FMN1: variants seen among roughly 807,000 people sequenced by gnomAD.
The protein encoded by FMN1 is formin-1.
A neutral mutation model predicts 132.4 loss-of-function variants in FMN1; 110 were observed. The observed-to-expected ratio is 0.83, with a 90% CI of 0.71 to 0.97. The LOEUF is 0.97. Among genes scored for constraint, FMN1 ranks in the 50% least tolerant of loss-of-function variants. FMN1 has a pLI of 0.00. For synonymous variants in FMN1, 722 were observed against 651.7 expected, an observed-to-expected ratio of 1.11 and a Z score of -1.64; for missense variants, 1,792 against 1,705.3, an observed-to-expected ratio of 1.05 and a Z score of -0.90.
chr15:32,971,223 G>A lies in FMN1; in HGVS notation c.2224-1746C>T, dbSNP rs181550343. ...TATGCCTGGAACACAGAAACGTTTG[G>A]ATAAATCTTACTGTTAGTTTCTGTT... is the stretch of plus-strand genomic sequence containing the variant. On this transcript the variant is annotated intron_variant, in intron 7 of 20. Coordinates refer to ENST00000616417, the MANE Select transcript of FMN1 (RefSeq NM_001277313.2). Among the ~76,000 whole-genome samples the A allele has an allele frequency of 1.3e-4, 20 of 152,276 alleles. No homozygotes were observed. In the East Asian group the frequency reaches 1.7e-3, roughly 13 times the overall value.
chr15:32,947,110 TA>T lies in FMN1; in HGVS notation c.3138+16996del, dbSNP rs1412881109. On this transcript the variant is annotated intron_variant, in intron 9 of 20. Coordinates refer to ENST00000616417, the MANE Select transcript of FMN1 (RefSeq NM_001277313.2). ...TTGTGCTTTCCATGTCTTTTCCGTA[TA>T]AGGCCAAAAGATAGGCTCCTATATT... Among the ~76,000 whole-genome samples the T allele has an allele frequency of 3.3e-5, 5 of 152,174 alleles. No individual in the cohort carries two copies. The East Asian group carries it at 9.6e-4, about 29-fold the overall frequency.
At chr15:33,035,166 G>A (rs1367090855) in intron 6 of FMN1, among the ~76,000 whole-genome samples, 1 of 152,056 alleles carries the variant, frequency 6.6e-6, no homozygotes, top group East Asian at 1.9e-4. Flanking sequence ...TTAAATAACA[G>A]GATCTAGTGG....
rs11330959 is a variant in FMN1, at chr15:32,984,978, C to CAA, written c.2224-15503_2224-15502dup. Reference sequence around the variant, plus strand: ...TTTTCTCTGTTTGTTCATCCATCACCAAAAAAAAAAAAAAAAAAAAAAGAA... The same window carrying CAA: ...TTTTCTCTGTTTGTTCATCCATCACCAAAAAAAAAAAAAAAAAAAAAAAAGAA... On this transcript the variant is annotated intron_variant, in intron 7 of 20. Coordinates refer to ENST00000616417, the MANE Select transcript of FMN1 (RefSeq NM_001277313.2). Among the ~76,000 whole-genome samples, 103 of 97,142 alleles carry CAA rather than the reference C, an allele frequency of 1.1e-3. 1 individual carries two copies. The highest frequency in any genetic ancestry group is 6.3e-3 in the Middle Eastern group (1 of 158). The allele number at this position is 97,142 out of a possible 152,430, so 63.7% of individuals were successfully genotyped here. A position where few individuals can be genotyped will look rare whatever the true frequency, so the allele number is the denominator to read the frequency against.
chr15:32,847,576 C>T (rs984897063), intron 17 of FMN1, among the ~76,000 whole-genome samples: 8 of 150,476 alleles, frequency 5.3e-5, no homozygotes, highest in Admixed American at 6.6e-5. Context: ...GAGTTAAGGC[C>T]GGGCGTGGTG....
intron 15 of FMN1, among the ~76,000 whole-genome samples, chr15:32,891,240 G>C (rs749641324): frequency 6.6e-6 from 1 of 152,072 alleles, no homozygotes. Context: ...TTATGGTTCC[G>C]TATGAGTTTT....
At position 33,079,783 on chromosome 15, in the gene FMN1, G is replaced by A. The variant is rs149043648; in HGVS notation, c.2043+9016C>T. Reference sequence around the variant, plus strand: ...AATTTCCAGATTTGTACTAATTTGAGAGATAACTGGTTAACTTGCATGTGA... The same window carrying A: ...AATTTCCAGATTTGTACTAATTTGAAAGATAACTGGTTAACTTGCATGTGA... On this transcript the variant is annotated intron_variant, in intron 5 of 20. Coordinates refer to ENST00000616417, the MANE Select transcript of FMN1 (RefSeq NM_001277313.2). Among the ~76,000 whole-genome samples, 148 of 152,312 alleles carry A rather than the reference G, an allele frequency of 9.7e-4. No homozygotes were observed. The Middle Eastern group carries it at 0.034, about 35-fold the overall frequency.
At chr15:32,806,243 G>A (rs1454289321) in intron 17 of FMN1, among the ~76,000 whole-genome samples, 1 of 152,110 alleles carries the variant, frequency 6.6e-6, no homozygotes, top group Non-Finnish European at 1.5e-5. Flanking sequence ...TGAAAGATAA[G>A]GGATTTTGAA....
At chr15:32,968,658 A>C in intron 8 of FMN1, 56 bp downstream of exon 8, 1 of 1,604,242 alleles carries the variant, frequency 6.2e-7, no homozygotes. Flanking sequence ...ATAAAATATC[A>C]CTTGGGCCAA....
chr15:33,124,902 A>C (rs1169559747), intron 4 of FMN1, among the ~76,000 whole-genome samples: 1 of 151,752 alleles, frequency 6.6e-6, no homozygotes, highest in African/African-American at 2.4e-5. Flanking sequence ...GTTTGGCACA[A>C]GGGCAAATGT....
intron 16 of FMN1, among the ~76,000 whole-genome samples, chr15:32,876,865 A>T (rs2059649177): frequency 6.6e-6 from 1 of 152,262 alleles, no homozygotes; most frequent in Non-Finnish European, 1.5e-5. Flanking sequence ...CAGACAAAGG[A>T]TACAACATTT....
At chr15:33,003,898 C>G (rs1395078587) in intron 7 of FMN1, among the ~76,000 whole-genome samples, 2 of 152,134 alleles carry the variant, frequency 1.3e-5, no homozygotes, top group African/African-American at 2.4e-5. Flanking sequence ...CGCATATCTA[C>G]AACTATCTGA....
chr15:33,124,684 C>T (rs1226942896), intron 4 of FMN1, among the ~76,000 whole-genome samples: 2 of 152,072 alleles, frequency 1.3e-5, no homozygotes, highest in Non-Finnish European at 2.9e-5. Context: ...TTATTCCTTT[C>T]ATTTTCAGAA....
At chr15:33,103,947 A>T (rs2039387920) in intron 4 of FMN1, among the ~76,000 whole-genome samples, 1 of 152,048 alleles carries the variant, frequency 6.6e-6, no homozygotes, top group Non-Finnish European at 1.5e-5. Context: ...CAGAAAATAC[A>T]GCTCCAATTT....
chr15:33,089,917 T>G (rs2038845489), intron 4 of FMN1, among the ~76,000 whole-genome samples: 1 of 152,228 alleles, frequency 6.6e-6, no homozygotes, highest in South Asian at 2.1e-4. Context: ...TGATTCATGT[T>G]AGCATATTAA....
chr15:33,089,369 G>C (rs545867554), intron 4 of FMN1, among the ~76,000 whole-genome samples: 1 of 152,332 alleles, frequency 6.6e-6, no homozygotes, highest in Non-Finnish European at 1.5e-5. Context: ...GTGTTCTCCA[G>C]GGCAGGAACT....
intron 9 of FMN1, among the ~76,000 whole-genome samples, chr15:32,957,879 G>A (rs893886050): frequency 2.0e-5 from 3 of 152,164 alleles, no homozygotes; most frequent in African/African-American, 7.2e-5. Flanking sequence ...AGTGGTGGTG[G>A]TTCCATTGAC....
chr15:33,065,282 C>A (rs999111995), intron 5 of FMN1, among the ~76,000 whole-genome samples: 1 of 151,982 alleles, frequency 6.6e-6, no homozygotes, highest in East Asian at 1.9e-4. Flanking sequence ...AAAACTACAA[C>A]AACAAAAAAA....
chr15:32,969,554 C>A, intron 7 of FMN1, 77 bp from the exon 8 acceptor site: 1 of 1,477,078 alleles, frequency 6.8e-7, no homozygotes, highest in South Asian at 1.3e-5. Context: ...CTCAATAATA[C>A]CATCATGGTG....
intron 3 of FMN1, among the ~76,000 whole-genome samples, chr15:33,161,717 G>A (rs1028856093): frequency 3.0e-4 from 45 of 152,184 alleles, no homozygotes; most frequent in African/African-American, 1.0e-3. Context: ...AGGAGATCGA[G>A]ACCACCCTGG....
Sources: gnomAD v4.1 joint callset for allele counts (sites outside exome capture counted in the v4.1 genomes callset) on GRCh38, gnomAD v4.1.1 for gene constraint, MANE v1.5 for transcripts, NCBI Gene and HGNC (gene_info 2026-07-23, HGNC 2026-07-21) for gene names.